ACAP2: variants seen among roughly 807,000 people sequenced by gnomAD.
ACAP2 encodes the protein ArfGAP with coiled-coil, ankyrin repeat and PH domains 2.
In ACAP2, 39 loss-of-function variants were observed where a neutral mutation model predicts 115.8. That is an observed-to-expected ratio of 0.34 (90% confidence interval 0.26 to 0.44). ACAP2 has a LOEUF of 0.44. Among genes scored for constraint, ACAP2 ranks in the 20% least tolerant of loss-of-function variants. The pLI is 1.00. For synonymous variants in ACAP2, 289 were observed against 315.8 expected (o/e 0.92, Z 0.90); for missense variants, 662 against 927.6 (o/e 0.71, Z 3.72).
intron 18 of ACAP2, among the ~76,000 whole-genome samples, chr3:195,293,094 C>T (rs559192166): frequency 6.6e-6 from 1 of 152,144 alleles, no homozygotes; most frequent in African/African-American, 2.4e-5. Flanking sequence ...TAAAGACAAT[C>T]ACTGATATGC....
intron 4 of ACAP2, among the ~76,000 whole-genome samples, chr3:195,373,512 G>A (rs547067393): frequency 1.3e-5 from 2 of 152,236 alleles, no homozygotes; most frequent in Admixed American, 1.3e-4. Flanking sequence ...AAACAGCTTG[G>A]GAGGAATAAT....
intron 1 of ACAP2, among the ~76,000 whole-genome samples, chr3:195,396,793 GAAAAAAA>G (rs62983860): frequency 2.2e-5 from 2 of 91,820 alleles, no homozygotes; most frequent in African/African-American, 4.4e-5. Flanking sequence ...TCTCAAAAAA[GAAAAAAA>G]AAAAAAAAAA....
At chr3:195,403,308 A>G (rs1249680594) in intron 1 of ACAP2, among the ~76,000 whole-genome samples, 1 of 152,222 alleles carries the variant, frequency 6.6e-6, no homozygotes, top group Non-Finnish European at 1.5e-5. Context: ...TCACATTCAG[A>G]ACCTTGTAGG....
chr3:195,414,867 A>C (rs1713583684), intron 1 of ACAP2, among the ~76,000 whole-genome samples: 1 of 152,240 alleles, frequency 6.6e-6, no homozygotes, highest in Non-Finnish European at 1.5e-5. Context: ...ACTAAGTAAA[A>C]GACGCCAATC....
chr3:195,296,218 GA>G (rs1039578782), intron 16 of ACAP2, among the ~76,000 whole-genome samples: 19 of 137,106 alleles, frequency 1.4e-4, no homozygotes, highest in African/African-American at 3.0e-4. Context: ...AACATCACCA[GA>G]AAAAAAAAAA....
At chr3:195,318,102 C>A (rs1729212683) in intron 10 of ACAP2, among the ~76,000 whole-genome samples, 1 of 152,198 alleles carries the variant, frequency 6.6e-6, no homozygotes, top group African/African-American at 2.4e-5. Context: ...CTCTCTCCTA[C>A]CACCTTTGTG....
At chr3:195,385,218 G>C (rs1448696175) in intron 2 of ACAP2, among the ~76,000 whole-genome samples, 1 of 149,492 alleles carries the variant, frequency 6.7e-6, no homozygotes, top group Non-Finnish European at 1.5e-5. Flanking sequence ...TTTGAGACCA[G>C]CCTGGTCAAC....
At chr3:195,292,010 T>C (rs1482921590) in intron 19 of ACAP2, among the ~76,000 whole-genome samples, 195 bp from the exon 20 acceptor site, 1 of 152,360 alleles carries the variant, frequency 6.6e-6, no homozygotes, top group African/African-American at 2.4e-5. Context: ...CTAATTCTAA[T>C]AGAGATTCAT....
At chr3:195,284,605 T>G (rs555924704) in intron 22 of ACAP2, among the ~76,000 whole-genome samples, 1 of 152,326 alleles carries the variant, frequency 6.6e-6, no homozygotes, top group East Asian at 1.9e-4. Context: ...TACGGTCCTC[T>G]GAGGAAAGAA....
At chr3:195,314,492 C>T (rs575135441) in intron 10 of ACAP2, among the ~76,000 whole-genome samples, 4 of 152,172 alleles carry the variant, frequency 2.6e-5, no homozygotes, top group South Asian at 2.1e-4. Context: ...GGGTCTTGAA[C>T]GCCTGACCTC....
intron 9 of ACAP2, among the ~76,000 whole-genome samples, chr3:195,325,736 A>G (rs867553406): frequency 2.0e-5 from 3 of 152,158 alleles, no homozygotes; most frequent in Admixed American, 2.0e-4. Flanking sequence ...ATTAAAAACA[A>G]TTGGTCCCAA....
chr3:195,344,021 C>A (rs896571529), intron 5 of ACAP2, among the ~76,000 whole-genome samples: 1 of 152,070 alleles, frequency 6.6e-6, no homozygotes, highest in African/African-American at 2.4e-5. Flanking sequence ...CTAGCCTCAG[C>A]AACATAGTGA....
chr3:195,397,584 G>A (rs1004957478), intron 1 of ACAP2, among the ~76,000 whole-genome samples: 2 of 151,596 alleles, frequency 1.3e-5, no homozygotes, highest in Non-Finnish European at 2.9e-5. Context: ...TCTCTATGTT[G>A]AGAGGCAGTA....
intron 10 of ACAP2, among the ~76,000 whole-genome samples, chr3:195,317,697 T>C (rs576353018): frequency 6.6e-6 from 1 of 152,352 alleles, no homozygotes; most frequent in African/African-American, 2.4e-5. Flanking sequence ...TAAAAATTTG[T>C]TTAGCAACAC....
chr3:195,404,068 C>T (rs1178390451), intron 1 of ACAP2, among the ~76,000 whole-genome samples: 1 of 152,142 alleles, frequency 6.6e-6, no homozygotes, highest in South Asian at 2.1e-4. Flanking sequence ...AGGCCCCGCA[C>T]GGTGGCTCAT....
chr3:195,277,314 C>A lies in ACAP2; in HGVS notation c.*2014G>T, dbSNP rs1323661109. On this transcript the variant is annotated 3_prime_UTR_variant, in exon 23 of 23. Coordinates refer to ENST00000326793, the MANE Select transcript of ACAP2 (RefSeq NM_012287.6). The stretch of plus-strand genomic sequence containing the variant: ...GTACATGCTAATAAAAACTACAAAT[C>A]AGATTTTTGCCTTTAGTGAAGGTGC... 1 of 152,170 alleles carries A rather than the reference C, an allele frequency of 6.6e-6. No individual in the cohort carries two copies. The highest frequency in any genetic ancestry group is 2.4e-5 in the African/African-American group (1 of 41,436). 9.4% of individuals were successfully genotyped at this position (152,170 alleles called of 1,614,324 possible).
At chr3:195,351,129 T>TTTTTTTTGGG (rs75945777) in intron 4 of ACAP2, among the ~76,000 whole-genome samples, 1 of 131,832 alleles carries the variant, frequency 7.6e-6, no homozygotes, top group East Asian at 3.0e-4. Flanking sequence ...TTTTTTTTTT[T>TTTTTTTTGGG]GGGCGGGGGA....
chr3:195,418,066 G>A (rs1051950424), intron 1 of ACAP2, among the ~76,000 whole-genome samples: 4 of 152,074 alleles, frequency 2.6e-5, no homozygotes, highest in African/African-American at 4.8e-5. Context: ...AAACGCCTCC[G>A]TCTTCCACAT....
intron 4 of ACAP2, among the ~76,000 whole-genome samples, chr3:195,376,043 A>G (rs957681100): frequency 1.4e-4 from 21 of 152,294 alleles, no homozygotes; most frequent in African/African-American, 4.8e-4. Context: ...TATCTAGTAG[A>G]ATGTAGCATA....
Sources: allele counts gnomAD v4.1 joint callset (sites outside exome capture counted in the v4.1 genomes callset), GRCh38; gene constraint gnomAD v4.1.1; transcripts MANE v1.5; gene names NCBI Gene and HGNC (gene_info 2026-07-23, HGNC 2026-07-21).